Variants in USP46 observed in about 807,000 individuals in gnomAD.
USP46 encodes ubiquitin carboxyl-terminal hydrolase 46.
Under a neutral mutation model 44.4 loss-of-function variants are expected in USP46, and 12 were observed. The observed-to-expected ratio is 0.27, with a 90% CI of 0.17 to 0.44. The LOEUF is 0.44. Ranked by LOEUF, USP46 falls within the 20% of genes least tolerant of loss-of-function variation. The probability of loss-of-function intolerance (pLI) is 1.00; values close to 1 mark genes in which losing one functional copy is unlikely to be tolerated. For synonymous variants in USP46, 155 were observed against 161.5 expected, an observed-to-expected ratio of 0.96 and a Z score of 0.31; for missense variants, 248 against 444.8, an observed-to-expected ratio of 0.56 and a Z score of 3.98.
At chr4:52,616,708 A>T (rs887061544) in intron 4 of USP46, among the ~76,000 whole-genome samples, 7 of 152,200 alleles carry the variant, frequency 4.6e-5, no homozygotes, top group East Asian at 1.9e-4. Context: ...TGGTACATTT[A>T]CCAGGACAGA....
At position 52,591,392 on chromosome 4, in the gene USP46, G is replaced by C. The variant is rs955479895; in HGVS notation, c.*6248C>G. The C allele has an allele frequency of 2.0e-5, 3 of 152,216 alleles. No individual in the cohort carries two copies. The highest frequency in any genetic ancestry group is 2.9e-5 in the Non-Finnish European group (2 of 68,038). 9.4% of individuals were successfully genotyped at this position (152,216 alleles called of 1,614,324 possible). On this transcript the variant is annotated 3_prime_UTR_variant, in exon 9 of 9. Transcript: ENST00000441222. ...CTTATGCTGAGAGGAAGTAAGAACA[G>C]AATCAGACTGCAGTCTACAACACAA...
intron 4 of USP46, among the ~76,000 whole-genome samples, chr4:52,618,648 G>A (rs1046624518): frequency 1.3e-5 from 2 of 152,182 alleles, no homozygotes; most frequent in Non-Finnish European, 2.9e-5. Flanking sequence ...AGGTGATGAG[G>A]TGGCTGTTCT....
rs560359546 is a variant in USP46 at position 52,601,768 on chromosome 4, C to T, written c.920+89G>A. 7.3e-6 allele frequency: 10 copies of T among 1,370,474 alleles called. No homozygotes were observed. The Admixed American group carries it at 7.9e-5, about 11-fold the overall frequency. The allele number at this position is 1,370,474 out of a possible 1,614,324, so 84.9% of individuals were successfully genotyped here. ...GAGATCCCAAAACTATTGAGTGCCA[C>T]GGCCCAGGAAAGGTGCAGCTGGGTA... On this transcript the variant is annotated intron_variant, in intron 7 of 8. Transcript: ENST00000441222.
chr4:52,610,442 A>T, intron 5 of USP46, 99 bp downstream of exon 5: 1 of 1,049,506 alleles, frequency 9.5e-7, no homozygotes, highest in Non-Finnish European at 1.4e-6. Context: ...ATATTGGTTT[A>T]ACAGAAGGGA....
chr4:52,626,457 G>A (rs1717589038), intron 3 of USP46, among the ~76,000 whole-genome samples: 1 of 151,970 alleles, frequency 6.6e-6, no homozygotes, highest in Non-Finnish European at 1.5e-5. Flanking sequence ...TGAGTAGCTG[G>A]ACTACAGGTG....
intron 1 of USP46, among the ~76,000 whole-genome samples, chr4:52,652,745 T>C (rs1718811104): frequency 6.6e-6 from 1 of 152,082 alleles, no homozygotes; most frequent in South Asian, 2.1e-4. Flanking sequence ...AAACACTAAA[T>C]GCAGAATAGT....
intron 6 of USP46, among the ~76,000 whole-genome samples, chr4:52,602,764 C>A (rs1716528201): frequency 6.6e-6 from 1 of 152,198 alleles, no homozygotes; most frequent in South Asian, 2.1e-4. Context: ...CCTATGTGTA[C>A]ATTACCAGAC....
In USP46 at chr4:52,632,990, A is replaced by AAAGAAAGAAAGAAAGGAAAAGAAAG; in HGVS notation, c.37-1847_37-1846insCTTTCTTTTCCTTTCTTTCTTTCTT. On this transcript the variant is annotated intron_variant, in intron 1 of 8. Transcript: ENST00000441222. ...AAAGAAAGAAAGAAAGAAAGAAAAG[A>AAAGAAAGAAAGAAAGGAAAAGAAAG]AAAGAAAGAAAGAAAGAAAGAAAGA... 7.5e-5 allele frequency among the ~76,000 whole-genome samples: 5 copies of AAAGAAAGAAAGAAAGGAAAAGAAAG among 66,294 alleles called. 1 individual carries two copies. Among genetic ancestry groups the AAAGAAAGAAAGAAAGGAAAAGAAAG allele is most frequent in the Non-Finnish European group, 9.1e-5 (3 of 33,054 alleles). 43.5% of individuals were successfully genotyped at this position (66,294 alleles called of 152,430 possible).
Position 52,626,073 on chromosome 4 carries a change from T to A in USP46, c.506A>T (p.His169Leu). Reference protein sequence around the residue: ...ENNKPELTWVHEIFQGTLTNE... With the variant: ...ENNKPELTWVLEIFQGTLTNE... The stretch of plus-strand genomic sequence containing the variant: ...GGTAAGCGTTCCCTGAAAAATCTCA[T>A]GGACCCAGGTGAGTTCTGGTTTATT... The change falls in exon 4 of 9, where the codon CAT becomes CTT. Residue 169 changes from histidine (H) to leucine (L), a missense_variant. Physicochemically the swap from His to Leu is moderately conservative, Grantham distance 99. Around this residue, in one of 5 missense-constraint regions of USP46, gnomAD observed 98 missense variants for 218.2 expected, o/e 0.45. Coordinates refer to ENST00000441222, the MANE Select transcript of USP46 (RefSeq NM_022832.4). 6.2e-7 allele frequency: 1 copy of A among 1,613,976 alleles called. No homozygotes were observed.
chr4:52,651,265 C>G (rs1176834948), intron 1 of USP46, among the ~76,000 whole-genome samples: 1 of 152,140 alleles, frequency 6.6e-6, no homozygotes, highest in Non-Finnish European at 1.5e-5. Context: ...TTTCTCCAAG[C>G]ATGGTCCTCA....
intron 1 of USP46, among the ~76,000 whole-genome samples, chr4:52,648,261 G>A (rs1201693343): frequency 6.6e-6 from 1 of 152,162 alleles, no homozygotes; most frequent in Non-Finnish European, 1.5e-5. Flanking sequence ...CCGATTATTT[G>A]AGCCACTACA....
chr4:52,606,417 C>T (rs1419857480), intron 5 of USP46, among the ~76,000 whole-genome samples: 1 of 152,130 alleles, frequency 6.6e-6, no homozygotes, highest in African/African-American at 2.4e-5. Context: ...GCTGGGGAGG[C>T]CTCACAATCA....
At chr4:52,598,418 G>C (rs1235496911) in intron 8 of USP46, among the ~76,000 whole-genome samples, 1 of 152,206 alleles carries the variant, frequency 6.6e-6, no homozygotes, top group Non-Finnish European at 1.5e-5. Context: ...GAACCGTGGA[G>C]AACACAGCGT....
At position 52,598,045 on chromosome 4, in the gene USP46, C is replaced by T. The variant is rs151237390; in HGVS notation, c.1000-304G>A. 7.5e-3 allele frequency among the ~76,000 whole-genome samples: 1,140 copies of T among 152,256 alleles called. 13 individuals carry two copies. The highest frequency in any genetic ancestry group is 0.026 in the African/African-American group (1,080 of 41,540). On this transcript the variant is annotated intron_variant, in intron 8 of 8. Transcript: ENST00000441222. ...AAACTGATGGGTCCTGGAAATAGCCCTAAGTCTTTTCGGCCACCAGAGTTC... is the reference window on the plus strand; with the variant it reads ...AAACTGATGGGTCCTGGAAATAGCCTTAAGTCTTTTCGGCCACCAGAGTTC...
Position 52,595,192 on chromosome 4 carries a change from G to T in USP46, c.*2448C>A, listed in dbSNP as rs1716177871. 6.6e-6 allele frequency: 1 copy of T among 152,614 alleles called. No individual in the cohort carries two copies. The highest frequency in any genetic ancestry group is 2.1e-4 in the South Asian group (1 of 4,830). 9.5% of individuals were successfully genotyped at this position (152,614 alleles called of 1,614,324 possible). On this transcript the variant is annotated 3_prime_UTR_variant, in exon 9 of 9. Coordinates refer to ENST00000441222, the MANE Select transcript of USP46 (RefSeq NM_022832.4). The stretch of plus-strand genomic sequence containing the variant: ...TTGGGCTATCGCTGACCTCAGAATG[G>T]TCTCACATCTCCCACACCATTTCCT...
rs918201290 is a variant in USP46, at chr4:52,656,474, G to T, written c.36+2641C>A. On this transcript the variant is annotated intron_variant, in intron 1 of 8. Transcript: ENST00000441222. ...TGACCTGAGCAGGGGGCGGGGTTAA[G>T]GATTCCCACTCCAGCCTTCCTATAC... The T allele has an allele frequency of 9.0e-6, 13 of 1,447,492 alleles. No individual in the cohort carries two copies. The African/African-American group carries it at 1.7e-4, about 19-fold the overall frequency. The allele number at this position is 1,447,492 out of a possible 1,614,324, so 89.7% of individuals were successfully genotyped here. A position where few individuals can be genotyped will look rare whatever the true frequency, so the allele number is the denominator to read the frequency against.
At chr4:52,623,269 A>T (rs898236943) in intron 4 of USP46, among the ~76,000 whole-genome samples, 1 of 152,234 alleles carries the variant, frequency 6.6e-6, no homozygotes. Flanking sequence ...GTCAATTGTC[A>T]TATTTACAAT....
intron 1 of USP46, among the ~76,000 whole-genome samples, chr4:52,653,495 CAAAAAAAAAAA>C (rs397880678): frequency 1.1e-4 from 6 of 53,016 alleles, no homozygotes; most frequent in Admixed American, 2.0e-4. Context: ...AACTCTATCT[CAAAAAAAAAAA>C]AAAAAAAAAA....
intron 5 of USP46, among the ~76,000 whole-genome samples, chr4:52,610,203 C>G (rs1161665479): frequency 6.6e-6 from 1 of 151,780 alleles, no homozygotes; most frequent in Admixed American, 6.6e-5. Flanking sequence ...GGATTACAGG[C>G]GTGAGCCACC....
Sources: allele counts gnomAD v4.1 joint callset (sites outside exome capture counted in the v4.1 genomes callset), GRCh38; gene constraint gnomAD v4.1.1; regional missense constraint gnomAD v4.1.1; transcripts MANE v1.5; gene names NCBI Gene and HGNC (gene_info 2026-07-23, HGNC 2026-07-21).